Variants in HTR3B observed in about 807,000 individuals in gnomAD.
HTR3B encodes 5-hydroxytryptamine receptor 3B, also known as 5-hydroxytryptamine (serotonin) receptor 3B, ionotropic.
In HTR3B, 44 loss-of-function variants were observed where a neutral mutation model predicts 42.8. The ratio of observed to expected loss-of-function variants is 1.03; its 90% CI spans 0.81 to 1.32. The LOEUF (loss-of-function observed/expected upper bound fraction) is 1.32, where lower values mean the gene tolerates loss of function less well. Ranked by LOEUF, HTR3B falls within the 40% of genes most tolerant of loss-of-function variation. The pLI is 0.00. For missense variants in HTR3B, 527 were observed against 536.5 expected (o/e 0.98, Z 0.17); for synonymous variants, 203 against 209.0 (o/e 0.97, Z 0.25).
intron 6 of HTR3B, among the ~76,000 whole-genome samples, chr11:113,934,487 A>G (rs1192362410): frequency 6.6e-6 from 1 of 152,206 alleles, no homozygotes; most frequent in African/African-American, 2.4e-5. Context: ...AAAGAAAGAA[A>G]GAAACTATTA....
At chr11:113,899,536 T>C in the HTR3B span, among the ~76,000 whole-genome samples, 6 of 152,374 alleles carry the variant, frequency 3.9e-5, no homozygotes, top group Admixed American at 3.3e-4. Context: ...CAAAGAGAGT[T>C]AGCGATTAAC....
intron 5 of HTR3B, 82 bp downstream of exon 5, chr11:113,932,540 A>C: frequency 1.7e-6 from 2 of 1,169,946 alleles, no homozygotes; most frequent in Non-Finnish European, 1.2e-6. Context: ...GGTCTATTTT[A>C]TTCTTGCAGA....
At chr11:113,944,810 C>T (rs1950164456) in intron 8 of HTR3B, 55 bp downstream of exon 8, 5 of 1,553,248 alleles carry the variant, frequency 3.2e-6, no homozygotes, top group Non-Finnish European at 4.4e-6. Flanking sequence ...CTTAAAAATT[C>T]ATTCCCGTTG....
intron 2 of HTR3B, among the ~76,000 whole-genome samples, chr11:113,929,652 G>A (rs1233345879): frequency 3.3e-5 from 5 of 152,090 alleles, no homozygotes; most frequent in African/African-American, 1.2e-4. Flanking sequence ...CAGTGACCTC[G>A]AGCATCTTTT....
chr11:113,932,544 T>C, intron 5 of HTR3B, 86 bp downstream of exon 5: 1 of 1,129,404 alleles, frequency 8.9e-7, no homozygotes, highest in South Asian at 1.5e-5. Flanking sequence ...TATTTTATTC[T>C]TGCAGATAAT....
chr11:113,905,741 G>T (rs1949729201), intron 1 of HTR3B, among the ~76,000 whole-genome samples: 1 of 152,124 alleles, frequency 6.6e-6, no homozygotes, highest in Admixed American at 6.6e-5. Context: ...CTTTCTTGAG[G>T]TTTCTCCTAG....
intron 2 of HTR3B, among the ~76,000 whole-genome samples, chr11:113,913,266 C>T (rs183475820): frequency 7.5e-4 from 113 of 150,560 alleles, no homozygotes; most frequent in African/African-American, 1.9e-3. Context: ...TCACTGCAGC[C>T]GCCGCCTCCA....
At chr11:113,918,768 T>G (rs1426482307) in intron 2 of HTR3B, among the ~76,000 whole-genome samples, 1 of 152,080 alleles carries the variant, frequency 6.6e-6, no homozygotes, top group Non-Finnish European at 1.5e-5. Context: ...GCAATTCTCC[T>G]GCCTCAGCCT....
At position 113,943,009 on chromosome 11, in the gene HTR3B, T is replaced by C. The variant is rs1380146643; in HGVS notation, c.724T>C (p.Tyr242His). ...GGTGATGCGCAGGCACCCCCTGGTC[T>C]ATGTCGTGAGTCTGCTGATTCCTAG... ...NVVMRRHPLVYVVSLLIPSIF... is the reference protein window; with the variant it reads ...NVVMRRHPLVHVVSLLIPSIF... The change falls in exon 7 of 9, where the codon TAT (tyrosine) becomes CAT (histidine). Residue 242 changes from tyrosine to histidine, a missense_variant. Physicochemically the swap from Tyr to His is moderately conservative, Grantham distance 83. Transcript: ENST00000260191. 6.2e-7 allele frequency: 1 copy of C among 1,614,116 alleles called. No homozygotes were observed. The highest frequency in any genetic ancestry group is 8.5e-7 in the Non-Finnish European group (1 of 1,180,022).
rs1950180566 is a variant in HTR3B, at chr11:113,946,360, A to C, written c.*223A>C. ...TACCAGTAAATAAATAAATAAATAA[A>C]TAAATAAATAAATAAATAAATAGCT... On this transcript the variant is annotated 3_prime_UTR_variant, in exon 9 of 9. Coordinates refer to ENST00000260191, the MANE Select transcript of HTR3B (RefSeq NM_006028.5). The C allele has an allele frequency of 4.0e-6, 1 of 251,140 alleles. No individual in the cohort carries two copies. The highest frequency in any genetic ancestry group is 2.3e-5 in the African/African-American group (1 of 43,362). 15.6% of individuals were successfully genotyped at this position (251,140 alleles called of 1,614,324 possible).
intron 2 of HTR3B, among the ~76,000 whole-genome samples, chr11:113,919,879 A>G (rs74466380): frequency 6.6e-6 from 1 of 152,000 alleles, no homozygotes; most frequent in Non-Finnish European, 1.5e-5. Context: ...AAAGAGTACA[A>G]GGTTTAAATT....
intron 6 of HTR3B, among the ~76,000 whole-genome samples, chr11:113,937,819 C>G (rs989615092): frequency 6.6e-6 from 1 of 152,240 alleles, no homozygotes; most frequent in African/African-American, 2.4e-5. Context: ...ATTAGTGTCA[C>G]AAGGCTGCCA....
chr11:113,901,838 G>A (rs755900349), upstream of HTR3B, among the ~76,000 whole-genome samples: 10 of 152,196 alleles, frequency 6.6e-5, no homozygotes, highest in South Asian at 2.1e-4. Context: ...ACAATGCATG[G>A]CAAGAATGCA....
chr11:113,934,868 G>A (rs192413398), intron 6 of HTR3B, among the ~76,000 whole-genome samples: 43 of 152,090 alleles, frequency 2.8e-4, no homozygotes, highest in Middle Eastern at 6.8e-3. Flanking sequence ...ATAATGGAGA[G>A]CATTAAAGGG....
chr11:113,948,192 T>C lies in HTR3B; in HGVS notation c.*2055T>C, dbSNP rs1950193664. Among the ~76,000 whole-genome samples, 1 of 152,230 alleles carries C rather than the reference T, an allele frequency of 6.6e-6. No individual in the cohort carries two copies. Among genetic ancestry groups the C allele is most frequent in the South Asian group, 2.1e-4 (1 of 4,828 alleles). The stretch of plus-strand genomic sequence containing the variant: ...TTCCTCACTTCCTACTTTCTACTGC[T>C]GGCCTCCTCTGCTTTGACGTGCTCA... On this transcript the variant is annotated 3_prime_UTR_variant, in exon 9 of 9. Coordinates refer to ENST00000260191, the MANE Select transcript of HTR3B (RefSeq NM_006028.5).
At chr11:113,917,163 A>G (rs1256667635) in intron 2 of HTR3B, among the ~76,000 whole-genome samples, 2 of 146,638 alleles carry the variant, frequency 1.4e-5, no homozygotes, top group Non-Finnish European at 3.0e-5. Context: ...ATGAAGTCTC[A>G]CTCTTGTCCC....
intron 2 of HTR3B, among the ~76,000 whole-genome samples, chr11:113,912,581 C>T (rs1591571471): frequency 1.3e-5 from 2 of 152,202 alleles, no homozygotes; most frequent in South Asian, 2.1e-4. Flanking sequence ...AGTTCTGTGA[C>T]TGGGTCACAG....
intron 6 of HTR3B, among the ~76,000 whole-genome samples, chr11:113,938,729 T>G (rs759763004): frequency 6.6e-6 from 1 of 152,176 alleles, no homozygotes; most frequent in Admixed American, 6.5e-5. Context: ...CAGGGAAAAT[T>G]AGTCTAGGCC....
At chr11:113,924,063 A>C (rs1949943487) in intron 2 of HTR3B, among the ~76,000 whole-genome samples, 1 of 152,258 alleles carries the variant, frequency 6.6e-6, no homozygotes, top group African/African-American at 2.4e-5. Context: ...CCTCCCAGCC[A>C]TATGACTGAA....
Sources: allele counts gnomAD v4.1 joint callset (sites outside exome capture counted in the v4.1 genomes callset), GRCh38; gene constraint gnomAD v4.1.1; transcripts MANE v1.5; gene names NCBI Gene and HGNC (gene_info 2026-07-23, HGNC 2026-07-21).